The following BLK variants were observed in gnomAD, a reference collection of about 807,000 sequenced individuals.
BLK encodes tyrosine-protein kinase Blk.
BLK carries 64 observed loss-of-function variants against 61.8 expected under a neutral mutation model. That is an observed-to-expected ratio of 1.03 (90% CI 0.85 to 1.27). The LOEUF (loss-of-function observed/expected upper bound fraction) is 1.27, where lower values mean the gene tolerates loss of function less well. Among genes scored for constraint, BLK ranks in the 50% most tolerant of loss-of-function variants. The pLI is 0.00. For missense variants in BLK, 853 were observed against 660.5 expected, an observed-to-expected ratio of 1.29 and a Z score of -3.19; for synonymous variants, 351 against 272.0, an observed-to-expected ratio of 1.29 and a Z score of -2.86.
At chr8:11,541,310 A>G (rs1800368491) in intron 1 of BLK, among the ~76,000 whole-genome samples, 2 of 152,214 alleles carry the variant, frequency 1.3e-5, no homozygotes, top group Non-Finnish European at 2.9e-5. Flanking sequence ...CATGTGCCAA[A>G]TAGACTAATA....
chr8:11,533,630 G>C (rs866694308), intron 1 of BLK, among the ~76,000 whole-genome samples: 4 of 150,346 alleles, frequency 2.7e-5, no homozygotes, highest in African/African-American at 9.8e-5. Flanking sequence ...AGTAGGAGGA[G>C]GGGGAAGGGG....
chr8:11,503,143 G>A (rs1374306146), intron 1 of BLK, among the ~76,000 whole-genome samples: 2 of 152,230 alleles, frequency 1.3e-5, no homozygotes, highest in East Asian at 3.8e-4. Flanking sequence ...AGGAGGCCCT[G>A]ATGCTTGAGG....
intron 10 of BLK, chr8:11,559,718 T>G: frequency 2.2e-6 from 1 of 455,658 alleles, no homozygotes; most frequent in Non-Finnish European, 4.4e-6. Flanking sequence ...ATGCCACCGG[T>G]TCCCATGCCC....
intron 1 of BLK, among the ~76,000 whole-genome samples, chr8:11,508,718 G>A (rs979284915): frequency 3.9e-5 from 6 of 152,232 alleles, no homozygotes; most frequent in Non-Finnish European, 7.3e-5. Flanking sequence ...TCGGGCGGCA[G>A]AAATAAGACA....
chr8:11,502,363 G>C (rs755270974), intron 1 of BLK, among the ~76,000 whole-genome samples: 1 of 151,730 alleles, frequency 6.6e-6, no homozygotes, highest in Non-Finnish European at 1.5e-5. Flanking sequence ...CAGTGCAGTG[G>C]CACGATCTCT....
chr8:11,521,742 C>T (rs1246715199), intron 1 of BLK, among the ~76,000 whole-genome samples: 1 of 152,246 alleles, frequency 6.6e-6, no homozygotes, highest in Admixed American at 6.5e-5. Flanking sequence ...CCGGCATGTG[C>T]ATGAGGGTCC....
At chr8:11,507,003 G>C (rs901474557) in intron 1 of BLK, among the ~76,000 whole-genome samples, 2 of 152,244 alleles carry the variant, frequency 1.3e-5, no homozygotes, top group Non-Finnish European at 2.9e-5. Flanking sequence ...GAATGGTTCA[G>C]GTGCGGGTAG....
At position 11,549,005 on chromosome 8, in the gene BLK, T is replaced by C. The variant is rs929538271; in HGVS notation, c.270-19T>C. On this transcript the variant is annotated intron_variant, in intron 4 of 12. Transcript: ENST00000259089. Reference sequence around the variant, plus strand: ...TACAGGGGCCATGATCTCATCTCTGTTTCCCCTGCTCCCATTAGAACTGGA... The same window carrying C: ...TACAGGGGCCATGATCTCATCTCTGCTTCCCCTGCTCCCATTAGAACTGGA... 1 of 1,594,130 alleles carries C rather than the reference T, an allele frequency of 6.3e-7. No homozygotes were observed. The highest frequency in any genetic ancestry group is 1.7e-5 in the Admixed American group (1 of 57,564).
intron 3 of BLK, among the ~76,000 whole-genome samples, chr8:11,546,960 C>T (rs529715828): frequency 6.6e-6 from 1 of 152,366 alleles, no homozygotes; most frequent in African/African-American, 2.4e-5. Flanking sequence ...GAGGCTCCAC[C>T]CCTGGGGACT....
At chr8:11,554,299 G>T (rs1457272627) in intron 6 of BLK, 2 of 244,140 alleles carry the variant, frequency 8.2e-6, no homozygotes, top group East Asian at 9.6e-5. Context: ...CATGGACATG[G>T]GTACTTGCAG....
intron 1 of BLK, among the ~76,000 whole-genome samples, chr8:11,519,533 G>A (rs1234342004): frequency 6.6e-6 from 1 of 152,124 alleles, no homozygotes; most frequent in East Asian, 1.9e-4. Context: ...AAGGTTTATG[G>A]TACAGTATTA....
At chr8:11,533,560 C>G (rs906304357) in intron 1 of BLK, among the ~76,000 whole-genome samples, 1 of 148,448 alleles carries the variant, frequency 6.7e-6, no homozygotes, top group African/African-American at 2.5e-5. Context: ...CTCTTCTGTG[C>G]TTCAGTTTCT....
intron 6 of BLK, chr8:11,552,952 G>A (rs1238084981): frequency 6.5e-6 from 1 of 154,346 alleles, no homozygotes; most frequent in East Asian, 1.9e-4. Context: ...ATACACACAT[G>A]TGCATACACA....
At position 11,559,766 on chromosome 8, in the gene BLK, G is replaced by T. The variant is rs181735100; in HGVS notation, c.1030-1536G>T. 547 of 456,270 alleles carry T rather than the reference G, an allele frequency of 1.2e-3. 3 individuals carry two copies. The highest frequency in any genetic ancestry group is 7.8e-3 in the East Asian group (112 of 14,358). The allele number at this position is 456,270 out of a possible 1,614,324, so 28.3% of individuals were successfully genotyped here. A position where few individuals can be genotyped will look rare whatever the true frequency, so the allele number is the denominator to read the frequency against. On this transcript the variant is annotated intron_variant, in intron 10 of 12. Coordinates refer to ENST00000259089, the MANE Select transcript of BLK (RefSeq NM_001715.3). ...CCCCTCTACCTCCTCTGCCCAGGAA[G>T]CCTTGAACACTTCCCACCTGGCAGA...
At chr8:11,541,399 T>C (rs1800373165) in intron 1 of BLK, among the ~76,000 whole-genome samples, 1 of 152,136 alleles carries the variant, frequency 6.6e-6, no homozygotes, top group African/African-American at 2.4e-5. Context: ...ATTTATTACA[T>C]TGACAAATTA....
At chr8:11,562,346 G>C (rs569137182) in intron 11 of BLK, among the ~76,000 whole-genome samples, 1 of 152,296 alleles carries the variant, frequency 6.6e-6, no homozygotes, top group South Asian at 2.1e-4. Flanking sequence ...GAGCCTATGA[G>C]TCAGATGACA....
chr8:11,552,204 C>T (rs555999877), intron 6 of BLK, among the ~76,000 whole-genome samples: 51 of 152,086 alleles, frequency 3.4e-4, no homozygotes, highest in Non-Finnish European at 1.5e-4. Flanking sequence ...AGAGTGGAAA[C>T]CCAGAGTATG....
rs779200388 is a variant in BLK, at chr8:11,549,056, T to A, written c.302T>A (p.Val101Asp). The A allele has an allele frequency of 6.2e-7, 1 of 1,611,304 alleles. No individual in the cohort carries two copies. Among genetic ancestry groups the A allele is most frequent in the East Asian group, 2.2e-5 (1 of 44,854 alleles). ...GACTGGTGGCTGGCCAGGTCACTCGTCACAGGAAGAGAAGGCTATGTGCCC... is the reference window on the plus strand; with the variant it reads ...GACTGGTGGCTGGCCAGGTCACTCGACACAGGAAGAGAAGGCTATGTGCCC... Reference protein sequence around the residue: ...TGDWWLARSLVTGREGYVPSN... With the variant: ...TGDWWLARSLDTGREGYVPSN... Residue 101 changes from valine (V) to aspartate (D), a missense_variant, in exon 5 of 13, where the codon GTC becomes GAC. Transcript: ENST00000259089.
intron 9 of BLK, among the ~76,000 whole-genome samples, chr8:11,557,625 G>A (rs1044446895): frequency 6.6e-6 from 1 of 152,160 alleles, no homozygotes. Context: ...AACACGGGGG[G>A]AAAGACAAGA....
Sources: allele counts gnomAD v4.1 joint callset (sites outside exome capture counted in the v4.1 genomes callset), GRCh38; gene constraint gnomAD v4.1.1; transcripts MANE v1.5; gene names NCBI Gene and HGNC (gene_info 2026-07-23, HGNC 2026-07-21).